MYO16: variants seen among roughly 807,000 people sequenced by gnomAD.
MYO16 encodes the protein unconventional myosin-XVI.
In MYO16, 94 loss-of-function variants were observed where a neutral mutation model predicts 205.3. The observed-to-expected ratio is 0.46, with a 90% CI of 0.39 to 0.54. The LOEUF (loss-of-function observed/expected upper bound fraction) is 0.54. MYO16 is among the 20% of genes least tolerant of loss of function. MYO16 has a pLI of 0.00. For synonymous variants in MYO16, 988 were observed against 954.0 expected (o/e 1.04, Z -0.66); for missense variants, 2,315 against 2,387.5 (o/e 0.97, Z 0.63).
intron 28 of MYO16, among the ~76,000 whole-genome samples, chr13:109,103,053 T>C (rs61968409): frequency 0.23 from 34,936 of 152,034 alleles, 4,209 homozygotes; most frequent in Middle Eastern, 0.3. Flanking sequence ...ATGATATACT[T>C]TATACTACCA....
intron 25 of MYO16, among the ~76,000 whole-genome samples, chr13:109,052,694 C>T (rs1046469892): frequency 1.3e-5 from 2 of 151,804 alleles, no homozygotes; most frequent in South Asian, 2.1e-4. Context: ...AAGTATAGTC[C>T]GAGTCATTTT....
chr13:109,019,574 A>G (rs1228470648), intron 22 of MYO16, 137 bp from the exon 23 acceptor site: 6 of 655,292 alleles, frequency 9.2e-6, no homozygotes, highest in Admixed American at 6.0e-5. Flanking sequence ...ATAGAAATAT[A>G]TTAAGGTAAA....
At chr13:108,561,088 A>G in the MYO16 span, among the ~76,000 whole-genome samples, 59 of 152,316 alleles carry the variant, frequency 3.9e-4, 1 homozygote, top group Admixed American at 2.5e-3. Context: ...TCTGTCCCAT[A>G]AGGTTGCTGA....
In MYO16 at chr13:108,952,844, G is replaced by T. The variant is rs1883207995; in HGVS notation, c.1926-4844G>T. On this transcript the variant is annotated intron_variant, in intron 16 of 34. Transcript: ENST00000457511. ...AGATATGCAATTTTGACTCATAGAA[G>T]AATAATATAGAAGATACTGAATATT... 2.6e-5 allele frequency among the ~76,000 whole-genome samples: 4 copies of T among 152,214 alleles called. No individual in the cohort carries two copies. The South Asian group carries it at 8.3e-4, about 32-fold the overall frequency.
chr13:109,016,627 A>G (rs1300028814), intron 22 of MYO16, among the ~76,000 whole-genome samples: 2 of 126,140 alleles, frequency 1.6e-5, no homozygotes, highest in Admixed American at 1.6e-4. Flanking sequence ...GACTTGCTTT[A>G]TGAATCTAGG....
chr13:108,980,956 A>G (rs1024666640), intron 20 of MYO16, among the ~76,000 whole-genome samples: 48 of 152,244 alleles, frequency 3.2e-4, no homozygotes, highest in African/African-American at 1.1e-3. Flanking sequence ...CAAATCACAC[A>G]GCCAGAAAAT....
At chr13:108,683,090 A>G (rs1012404015) in intron 2 of MYO16, among the ~76,000 whole-genome samples, 6 of 152,220 alleles carry the variant, frequency 3.9e-5, no homozygotes, top group Admixed American at 1.3e-4. Context: ...CCTGAATTAA[A>G]TAGTATCTCC....
rs1880315635 is a variant in MYO16, at chr13:108,894,381, A to G, written c.1660-3635A>G. The stretch of plus-strand genomic sequence containing the variant: ...AGAAACTCTTCCTGTGGTTGATAAT[A>G]ATGGCATCATTGTTAAAATTAAAGA... On this transcript the variant is annotated intron_variant, in intron 14 of 34. Coordinates refer to ENST00000457511, the MANE Select transcript of MYO16 (RefSeq NM_001198950.3). 2.6e-5 allele frequency among the ~76,000 whole-genome samples: 4 copies of G among 152,154 alleles called. No individual in the cohort carries two copies. In the South Asian group the frequency reaches 8.3e-4, roughly 32 times the overall value.
rs115028170 is a variant in MYO16, at chr13:108,762,451, C to A, written c.508-23184C>A. 5.2e-3 allele frequency among the ~76,000 whole-genome samples: 786 copies of A among 152,184 alleles called. 4 individuals are homozygous for A. Among genetic ancestry groups the A allele is most frequent in the African/African-American group, 0.018 (742 of 41,530 alleles). ...TTCCATAAAAGTTGTACTAAGTTAC[C>A]TTCCCGCCAACAAGGTGTAAAGTTC... On this transcript the variant is annotated intron_variant, in intron 4 of 34. Transcript: ENST00000457511.
At chr13:108,519,655 A>C in the MYO16 span, among the ~76,000 whole-genome samples, 3 of 151,624 alleles carry the variant, frequency 2.0e-5, no homozygotes, top group Non-Finnish European at 2.9e-5. Context: ...ACACCCACAC[A>C]CACACACACC....
chr13:108,673,395 T>C (rs1882074595), intron 2 of MYO16, among the ~76,000 whole-genome samples: 1 of 151,934 alleles, frequency 6.6e-6, no homozygotes, highest in African/African-American at 2.4e-5. Context: ...GCAATGTTAT[T>C]TATTTACTAC....
At chr13:108,984,195 T>G (rs1223033421) in intron 20 of MYO16, among the ~76,000 whole-genome samples, 1 of 152,198 alleles carries the variant, frequency 6.6e-6, no homozygotes, top group African/African-American at 2.4e-5. Context: ...ATGCATCCAA[T>G]TCCATGGGTC....
At chr13:109,084,128 G>A (rs1345369843) in intron 27 of MYO16, among the ~76,000 whole-genome samples, 1 of 152,206 alleles carries the variant, frequency 6.6e-6, no homozygotes, top group African/African-American at 2.4e-5. Flanking sequence ...ATCTAAAAGT[G>A]TAGAAGAAGA....
intron 12 of MYO16, among the ~76,000 whole-genome samples, chr13:108,867,978 G>A (rs1878804177): frequency 6.6e-6 from 1 of 152,170 alleles, no homozygotes; most frequent in Non-Finnish European, 1.5e-5. Context: ...CCATGTTTTT[G>A]TGTGTAGCAA....
chr13:108,644,396 CTATCTA>C (rs1880653266), intron 1 of MYO16, among the ~76,000 whole-genome samples: 1 of 150,692 alleles, frequency 6.6e-6, no homozygotes, highest in East Asian at 1.9e-4. Flanking sequence ...ATCTATCTAT[CTATCTA>C]TCTATCTATC....
At position 109,176,569 on chromosome 13, in the gene MYO16, T is replaced by C. The variant is rs900542938; in HGVS notation, c.5324-2973T>C. Among the ~76,000 whole-genome samples, 10 of 33,912 alleles carry C rather than the reference T, an allele frequency of 2.9e-4. No individual in the cohort carries two copies. The East Asian group carries it at 0.031, about 105-fold the overall frequency. 22.2% of individuals were successfully genotyped at this position (33,912 alleles called of 152,430 possible). On this transcript the variant is annotated intron_variant, in intron 33 of 34. Coordinates refer to ENST00000457511, the MANE Select transcript of MYO16 (RefSeq NM_001198950.3). ...CTAATACGGCAGCTAAATAAAATAT[T>C]GTGCTGGTAAAAAAAAAAAAAAAAA...
intron 32 of MYO16, among the ~76,000 whole-genome samples, chr13:109,144,638 T>G (rs1877246618): frequency 6.6e-6 from 1 of 152,264 alleles, no homozygotes; most frequent in African/African-American, 2.4e-5. Flanking sequence ...GTGAAATAGC[T>G]TTCTTACCAA....
At chr13:108,969,816 T>C (rs1363809502) in intron 20 of MYO16, among the ~76,000 whole-genome samples, 10 of 152,100 alleles carry the variant, frequency 6.6e-5, no homozygotes, top group Non-Finnish European at 1.2e-4. Flanking sequence ...TCTGAATAGG[T>C]TTCTACCCAG....
intron 1 of MYO16, chr13:108,659,229 ATATATATGC>A (rs1339186472): frequency 6.3e-6 from 1 of 158,202 alleles, no homozygotes; most frequent in Non-Finnish European, 1.3e-5. Flanking sequence ...TATATATGAT[ATATATATGC>A]TATATATGAT....
Sources: allele counts gnomAD v4.1 joint callset (sites outside exome capture counted in the v4.1 genomes callset), GRCh38; gene constraint gnomAD v4.1.1; transcripts MANE v1.5; gene names NCBI Gene and HGNC (gene_info 2026-07-23, HGNC 2026-07-21).